Variants in ATP9B observed in about 807,000 individuals in gnomAD.
ATP9B encodes the protein probable phospholipid-transporting ATPase IIB.
A neutral mutation model predicts 146.1 loss-of-function variants in ATP9B; 110 were observed. The observed-to-expected ratio is 0.75, with a 90% CI of 0.65 to 0.88. The LOEUF (loss-of-function observed/expected upper bound fraction) is 0.88. Among genes scored for constraint, ATP9B ranks in the 40% least tolerant of loss-of-function variants. The pLI is 0.00. For missense variants in ATP9B, 1,499 were observed against 1,496.4 expected (o/e 1.00, Z -0.03); for synonymous variants, 604 against 569.7 (o/e 1.06, Z -0.86).
At chr18:79,188,024 T>C (rs997342708) in intron 8 of ATP9B, among the ~76,000 whole-genome samples, 36 of 152,126 alleles carry the variant, frequency 2.4e-4, no homozygotes, top group African/African-American at 7.7e-4. Flanking sequence ...GTAGAAAACA[T>C]GAGGACGCCC....
At chr18:79,345,693 T>G (rs1388324288) in intron 22 of ATP9B, 82 bp from the exon 23 acceptor site, 1 of 1,604,024 alleles carries the variant, frequency 6.2e-7, no homozygotes, top group South Asian at 1.1e-5. Flanking sequence ...CATGGAAGTT[T>G]CTGAAATAGC....
chr18:79,153,102 C>T (rs1206867463), intron 6 of ATP9B, among the ~76,000 whole-genome samples: 1 of 152,150 alleles, frequency 6.6e-6, no homozygotes, highest in Non-Finnish European at 1.5e-5. Context: ...TATCCAATAA[C>T]ATAGCTTTCT....
intron 17 of ATP9B, among the ~76,000 whole-genome samples, chr18:79,334,168 C>T (rs909155985): frequency 1.3e-5 from 2 of 151,944 alleles, no homozygotes; most frequent in African/African-American, 2.4e-5. Flanking sequence ...CCATCCTGGC[C>T]AACATGGTGA....
intron 15 of ATP9B, among the ~76,000 whole-genome samples, chr18:79,311,432 A>T (rs901302119): frequency 6.6e-6 from 1 of 152,124 alleles, no homozygotes; most frequent in Non-Finnish European, 1.5e-5. Flanking sequence ...ACATCCCCTG[A>T]TACGGTGACC....
At chr18:79,158,528 C>A (rs367766422) in intron 7 of ATP9B, among the ~76,000 whole-genome samples, 1 of 152,110 alleles carries the variant, frequency 6.6e-6, no homozygotes, top group Non-Finnish European at 1.5e-5. Flanking sequence ...CCTGGCCTCA[C>A]GTGATCCTCC....
chr18:79,164,351 G>A (rs1040098946), intron 7 of ATP9B, among the ~76,000 whole-genome samples: 1 of 152,100 alleles, frequency 6.6e-6, no homozygotes, highest in Non-Finnish European at 1.5e-5. Flanking sequence ...GTGGGTTCAT[G>A]TCTCTGTATT....
intron 2 of ATP9B, among the ~76,000 whole-genome samples, chr18:79,099,122 A>G (rs1289659576): frequency 6.6e-6 from 1 of 152,126 alleles, no homozygotes; most frequent in South Asian, 2.1e-4. Context: ...CAGGTCTCCA[A>G]TATTCTTCCT....
intron 7 of ATP9B, among the ~76,000 whole-genome samples, chr18:79,176,398 T>C (rs1334404323): frequency 6.6e-6 from 1 of 152,234 alleles, no homozygotes; most frequent in Non-Finnish European, 1.5e-5. Flanking sequence ...GAACATTTTT[T>C]ATGACGGTAA....
At chr18:79,281,700 A>C (rs1375743633) in intron 13 of ATP9B, among the ~76,000 whole-genome samples, 1 of 152,136 alleles carries the variant, frequency 6.6e-6, no homozygotes, top group Non-Finnish European at 1.5e-5. Flanking sequence ...CAGTTTTAGC[A>C]ATCCTAAAAC....
At position 79,348,181 on chromosome 18, in the gene ATP9B, G is replaced by A. The variant is rs1568781404; in HGVS notation, c.2888G>A (p.Gly963Asp). 2 of 1,612,500 alleles carry A rather than the reference G, an allele frequency of 1.2e-6. No homozygotes were observed. The highest frequency in any genetic ancestry group is 1.7e-6 in the Non-Finnish European group (2 of 1,179,772). The change falls in exon 25 of 30, where the codon GGC (glycine) becomes GAC (aspartate). Residue 963 changes from glycine (G) to aspartate (D), a missense_variant. Gly to Asp is a moderately conservative substitution (Grantham distance 94). Transcript: ENST00000426216. The part of the protein sequence containing the change: ...FYFASVPLYQ[G>D]FLMVGYATIY... ...TTCGCATCCGTCCCTTTGTATCAGG[G>A]CTTCCTCATGGTGGGGTAAGTTACA...
At position 79,321,449 on chromosome 18, in the gene ATP9B, C is replaced by A. The variant is rs2096715478; in HGVS notation, c.1774-7692C>A. 3.3e-5 allele frequency among the ~76,000 whole-genome samples: 5 copies of A among 150,514 alleles called. No individual in the cohort carries two copies. The South Asian group carries it at 8.4e-4, about 25-fold the overall frequency. On this transcript the variant is annotated intron_variant, in intron 15 of 29. Transcript: ENST00000426216. ...CCAGGCTGGAGTGCGGTGGCACGAT[C>A]TCAGCTCACTGCAACCTCTGCCTCC...
chr18:79,272,823 A>C (rs565986150), intron 12 of ATP9B, among the ~76,000 whole-genome samples: 30 of 152,188 alleles, frequency 2.0e-4, no homozygotes, highest in Non-Finnish European at 4.0e-4. Context: ...ATGGCACTCT[A>C]CAGATGCTGT....
intron 6 of ATP9B, among the ~76,000 whole-genome samples, chr18:79,149,547 A>G (rs2094649106): frequency 6.6e-6 from 1 of 152,174 alleles, no homozygotes; most frequent in Admixed American, 6.5e-5. Context: ...GACAATGTGT[A>G]AAAGGAAAAA....
Position 79,149,632 on chromosome 18 carries a change from G to A in ATP9B, c.727-4872G>A, listed in dbSNP as rs186942897. Among the ~76,000 whole-genome samples the A allele has an allele frequency of 3.0e-4, 46 of 151,750 alleles. No individual in the cohort carries two copies. In the East Asian group the frequency reaches 8.5e-3, roughly 28 times the overall value. The stretch of plus-strand genomic sequence containing the variant: ...CATGTGAATACAATGAAAAGCTACA[G>A]ATGGAGAAAATATTTGTAAACCATA... On this transcript the variant is annotated intron_variant, in intron 6 of 29. Transcript: ENST00000426216.
intron 15 of ATP9B, among the ~76,000 whole-genome samples, chr18:79,327,512 A>ATGGTTAGCGTGCTCTCCG (rs1394532531): frequency 1.3e-5 from 1 of 75,866 alleles, no homozygotes; most frequent in African/African-American, 6.2e-5. Context: ...TGCTCTCTCC[A>ATGGTTAGCGTGCTCTCCG]TGGTTAGCGT....
chr18:79,349,341 G>A (rs1238972100), intron 25 of ATP9B, among the ~76,000 whole-genome samples: 3 of 152,180 alleles, frequency 2.0e-5, no homozygotes, highest in East Asian at 1.9e-4. Flanking sequence ...GGCGTTGAAC[G>A]TGCTTTCATC....
intron 7 of ATP9B, chr18:79,173,818 T>G (rs996709613): frequency 2.2e-6 from 1 of 451,184 alleles, no homozygotes; most frequent in Non-Finnish European, 4.4e-6. Flanking sequence ...TAAACAACTT[T>G]TAGCTGTTTT....
chr18:79,285,935 C>T (rs1172496011), intron 13 of ATP9B, among the ~76,000 whole-genome samples: 11 of 148,172 alleles, frequency 7.4e-5, no homozygotes, highest in Non-Finnish European at 1.6e-4. Flanking sequence ...TGTAGATATG[C>T]GGCATTATTT....
chr18:79,084,415 T>A (rs2073608173), intron 1 of ATP9B, among the ~76,000 whole-genome samples: 1 of 151,990 alleles, frequency 6.6e-6, no homozygotes, highest in South Asian at 2.1e-4. Flanking sequence ...AACAAGTCAC[T>A]AATTTCAGAA....
Sources: allele counts gnomAD v4.1 joint callset (sites outside exome capture counted in the v4.1 genomes callset), GRCh38; gene constraint gnomAD v4.1.1; transcripts MANE v1.5; gene names NCBI Gene and HGNC (gene_info 2026-07-23, HGNC 2026-07-21).